The following METTL22 variants were observed in gnomAD, a reference collection of about 807,000 sequenced individuals.
METTL22 encodes methyltransferase-like protein 22.
A neutral mutation model predicts 48.4 loss-of-function variants in METTL22; 51 were observed. The ratio of observed to expected loss-of-function variants is 1.05; its 90% CI spans 0.84 to 1.33. The LOEUF is 1.33. METTL22 is among the 40% of genes most tolerant of loss of function. METTL22 has a pLI of 0.00. For missense variants in METTL22, 678 were observed against 526.9 expected, an observed-to-expected ratio of 1.29 and a Z score of -2.81; for synonymous variants, 255 against 214.1, an observed-to-expected ratio of 1.19 and a Z score of -1.67.
intron 5 of METTL22, among the ~76,000 whole-genome samples, chr16:8,636,041 C>G (rs569310332): frequency 1.2e-4 from 18 of 152,150 alleles, no homozygotes; most frequent in Non-Finnish European, 2.4e-4. Context: ...TGACATCCGT[C>G]TGGGCTTTTA....
chr16:8,629,178 A>G (rs2056170180), intron 3 of METTL22, 68 bp downstream of exon 3: 2 of 1,552,714 alleles, frequency 1.3e-6, no homozygotes, highest in Admixed American at 1.7e-5. Flanking sequence ...CTCAGGGCTC[A>G]GTATGATCTG....
intron 7 of METTL22, chr16:8,641,405 G>T (rs1323307403): frequency 1.5e-6 from 1 of 645,532 alleles, no homozygotes; most frequent in South Asian, 1.5e-5. Flanking sequence ...TTCTCCAGGT[G>T]TTGTGGTTTC....
rs1247527313 is a variant in METTL22, at chr16:8,648,515, T to G, written c.*2372T>G. 1 of 151,784 alleles carries G rather than the reference T, an allele frequency of 6.6e-6. No homozygotes were observed. Among genetic ancestry groups the G allele is most frequent in the Non-Finnish European group, 1.5e-5 (1 of 68,130 alleles). 9.4% of individuals were successfully genotyped at this position (151,784 alleles called of 1,614,324 possible). ...GGTGGCTCATGCCTGTAATCCCAGCTACTTGGGAGGCTGAGGCAGGAGAAT... is the reference window on the plus strand; with the variant it reads ...GGTGGCTCATGCCTGTAATCCCAGCGACTTGGGAGGCTGAGGCAGGAGAAT... On this transcript the variant is annotated 3_prime_UTR_variant, in exon 11 of 11. Coordinates refer to ENST00000381920, the MANE Select transcript of METTL22 (RefSeq NM_024109.4).
In METTL22 at chr16:8,625,742, T is replaced by A. The variant is rs201682272; in HGVS notation, c.77T>A (p.Leu26His). The change falls in exon 2 of 11, where the codon CTC becomes CAC. Residue 26 changes from leucine (L) to histidine (H), a missense_variant. Transcript: ENST00000381920. ...RSDTVLSDVH[L>H]YTPNHRHLMV... ...GACACTGTGCTGTCAGATGTCCACCTCTATACCCCGAACCATAGACATCTC... is the reference window on the plus strand; with the variant it reads ...GACACTGTGCTGTCAGATGTCCACCACTATACCCCGAACCATAGACATCTC... 83 of 1,614,196 alleles carry A rather than the reference T, an allele frequency of 5.1e-5. No individual in the cohort carries two copies. In the African/African-American group the frequency reaches 1.0e-3, roughly 19 times the overall value.
chr16:8,661,386 C>G, the METTL22 span, among the ~76,000 whole-genome samples: 5 of 151,540 alleles, frequency 3.3e-5, no homozygotes, highest in South Asian at 2.1e-4. Context: ...GTGGCTCACA[C>G]CTGTAATCCC....
At chr16:8,660,780 TGGAGGAGGAGGAGGAGGAGGA>T in the METTL22 span, among the ~76,000 whole-genome samples, 193 of 15,768 alleles carry the variant, frequency 0.012, 5 homozygotes, top group African/African-American at 0.028. Context: ...GGGCAAGTCT[TGGAGGAGGAGGAGGAGGAGGA>T]GGAGGAGGAG....
At chr16:8,641,234 T>C (rs2056606938) in intron 7 of METTL22, 50 bp downstream of exon 7, 2 of 1,581,830 alleles carry the variant, frequency 1.3e-6, no homozygotes, top group African/African-American at 1.3e-5. Context: ...GATTCCTTTG[T>C]AATACCTCAG....
At chr16:8,628,702 T>C (rs2056146972) in intron 2 of METTL22, 28 bp from the exon 3 acceptor site, 1 of 1,564,284 alleles carries the variant, frequency 6.4e-7, no homozygotes, top group Non-Finnish European at 8.6e-7. Context: ...CTTGGAATTC[T>C]CATTTTGCGT....
At chr16:8,622,746 C>A (rs1016450558) in intron 1 of METTL22, among the ~76,000 whole-genome samples, 1 of 152,102 alleles carries the variant, frequency 6.6e-6, no homozygotes, top group Non-Finnish European at 1.5e-5. Context: ...ATATGAGGGC[C>A]TGAGATAGGT....
chr16:8,632,371 T>C (rs1055825854), intron 3 of METTL22, among the ~76,000 whole-genome samples: 1 of 152,186 alleles, frequency 6.6e-6, no homozygotes, highest in Non-Finnish European at 1.5e-5. Flanking sequence ...TTGTTTCTAT[T>C]TGGCTTTAGA....
At chr16:8,641,338 C>G (rs2056611049) in intron 7 of METTL22, 154 bp downstream of exon 7, 1 of 752,386 alleles carries the variant, frequency 1.3e-6, no homozygotes, top group African/African-American at 1.7e-5. Flanking sequence ...GGCCGATGAG[C>G]ACCAGCTGTC....
At chr16:8,629,285 C>G (rs2056174671) in intron 3 of METTL22, among the ~76,000 whole-genome samples, 175 bp downstream of exon 3, 1 of 152,208 alleles carries the variant, frequency 6.6e-6, no homozygotes, top group Admixed American at 6.5e-5. Context: ...CTGCCCGGCT[C>G]ACACCACCAC....
chr16:8,652,688 A>T (rs76224781), downstream of METTL22, among the ~76,000 whole-genome samples: 11 of 149,826 alleles, frequency 7.3e-5, no homozygotes, highest in African/African-American at 1.5e-4. Context: ...TAAAAAAAAA[A>T]TTTTTTTAAT....
chr16:8,625,767 C>G lies in METTL22; in HGVS notation c.102C>G (p.Leu34=), dbSNP rs770798366. 6.2e-7 allele frequency: 1 copy of G among 1,614,198 alleles called. No homozygotes were observed. The highest frequency in any genetic ancestry group is 1.7e-5 in the Admixed American group (1 of 60,022). ...VHLYTPNHRH[L]MVRLNSVGQP... Reference sequence around the variant, plus strand: ...TCTATACCCCGAACCATAGACATCTCATGGTACGGCTGAACAGCGTGGGGC... The same window carrying G: ...TCTATACCCCGAACCATAGACATCTGATGGTACGGCTGAACAGCGTGGGGC... Residue 34 remains leucine (L), a synonymous_variant, in exon 2 of 11, where the codon CTC becomes CTG. Transcript: ENST00000381920.
At chr16:8,631,832 C>T (rs2056273768) in intron 3 of METTL22, 1 of 152,236 alleles carries the variant, frequency 6.6e-6, no homozygotes, top group South Asian at 2.1e-4. Flanking sequence ...TAAACTCTGA[C>T]TTTTCACAGG....
chr16:8,642,540 A>G lies in METTL22; in HGVS notation c.985A>G (p.Thr329Ala), dbSNP rs202173100. The G allele has an allele frequency of 4.3e-6, 7 of 1,613,812 alleles. No homozygotes were observed. The highest frequency in any genetic ancestry group is 2.7e-5 in the African/African-American group (2 of 74,950). The part of the protein sequence containing the change: ...RLAHRLKNAC[T>A]AILSVEKRLN... ...CGCCCACAGATTGAAAAATGCCTGCACAGCCATACTGTCGGTGGAGAAGAG... is the reference window on the plus strand; with the variant it reads ...CGCCCACAGATTGAAAAATGCCTGCGCAGCCATACTGTCGGTGGAGAAGAG... Residue 329 changes from threonine to alanine, a missense_variant, in exon 9 of 11, where the codon ACA (threonine) becomes GCA (alanine). Physicochemically the swap from Thr to Ala is moderately conservative, Grantham distance 58 (BLOSUM62 0). Transcript: ENST00000381920.
downstream of METTL22, among the ~76,000 whole-genome samples, chr16:8,652,024 TA>T (rs2056906599): frequency 6.6e-6 from 1 of 151,990 alleles, no homozygotes; most frequent in East Asian, 1.9e-4. Flanking sequence ...GAACTTAAAA[TA>T]AAACAAGCAA....
At position 8,635,988 on chromosome 16, in the gene METTL22, G is replaced by A. The variant is rs1172945963; in HGVS notation, c.700+676G>A. On this transcript the variant is annotated intron_variant, in intron 5 of 10. Transcript: ENST00000381920. Reference sequence around the variant, plus strand: ...TTTTTTAAATATGTATATATTTAGGGGGTACAAGTGCGGGTTTCTGATGTG... The same window carrying A: ...TTTTTTAAATATGTATATATTTAGGAGGTACAAGTGCGGGTTTCTGATGTG... Among the ~76,000 whole-genome samples, 4 of 152,218 alleles carry A rather than the reference G, an allele frequency of 2.6e-5. No homozygotes were observed. The East Asian group carries it at 7.7e-4, about 29-fold the overall frequency.
At position 8,644,591 on chromosome 16, in the gene METTL22, T is replaced by C. The variant is rs1187660217; in HGVS notation, c.1045T>C (p.Cys349Arg). The C allele has an allele frequency of 4.4e-6, 7 of 1,593,918 alleles. No homozygotes were observed. Among genetic ancestry groups the C allele is most frequent in the Non-Finnish European group, 6.0e-6 (7 of 1,169,590 alleles). Reference protein sequence around the residue: ...NFTLRHLDVTCEAYDHFRSCL... With the variant: ...NFTLRHLDVTREAYDHFRSCL... The stretch of plus-strand genomic sequence containing the variant: ...CACATTGAGACACTTGGACGTCACA[T>C]GTGAAGCCTACGATCACTTCCGCTC... Residue 349 changes from cysteine to arginine, a missense_variant, in exon 10 of 11, where the codon TGT becomes CGT. Transcript: ENST00000381920.
Sources: allele counts gnomAD v4.1 joint callset (sites outside exome capture counted in the v4.1 genomes callset), GRCh38; gene constraint gnomAD v4.1.1; transcripts MANE v1.5; gene names NCBI Gene and HGNC (gene_info 2026-07-23, HGNC 2026-07-21).